The following OOSP4A variants were observed in gnomAD, a reference collection of about 807,000 sequenced individuals.
OOSP4A encodes the protein oocyte-secreted protein 4A.
downstream of OOSP4A, among the ~76,000 whole-genome samples, chr11:59,970,315 A>C (rs1450743915): frequency 6.6e-6 from 1 of 152,166 alleles, no homozygotes; most frequent in Non-Finnish European, 1.5e-5. Context: ...CCAGATTTTA[A>C]ACTTGTAATA....
At chr11:59,965,470 G>A (rs1590563300) in intron 1 of OOSP4A, 65 bp from the exon 2 acceptor site, 1 of 397,866 alleles carries the variant, frequency 2.5e-6, no homozygotes. Flanking sequence ...AAAGTTTCCT[G>A]AGTTCTTTGT....
chr11:59,968,089 G>A (rs1370482505), intron 3 of OOSP4A, among the ~76,000 whole-genome samples: 1 of 152,242 alleles, frequency 6.6e-6, no homozygotes, highest in East Asian at 1.9e-4. Flanking sequence ...GTTTTACAGA[G>A]CACACAAAGG....
rs1590563368 is a variant in OOSP4A, at chr11:59,965,532, C to T, written c.68-3C>T. 2.5e-6 allele frequency: 1 copy of T among 398,434 alleles called. No individual in the cohort carries two copies. The highest frequency in any genetic ancestry group is 2.1e-5 in the African/African-American group (1 of 48,746). The allele number at this position is 398,434 out of a possible 1,614,324, so 24.7% of individuals were successfully genotyped here. ...TTTCCCTTTTTAAATTTTCTTTCAA[C>T]AGTGTCTATAACCTGTTCTGAATCC... On this transcript the variant is annotated splice_polypyrimidine_tract_variant and splice_region_variant and intron_variant, in intron 1 of 4. Transcript: ENST00000645590.
At chr11:59,964,741 C>T (rs1271341244) in intron 1 of OOSP4A, among the ~76,000 whole-genome samples, 3 of 151,980 alleles carry the variant, frequency 2.0e-5, no homozygotes, top group African/African-American at 7.3e-5. Context: ...GGAGTAACTG[C>T]AGTATTATTT....
At chr11:59,964,923 A>G (rs1034631620) in intron 1 of OOSP4A, among the ~76,000 whole-genome samples, 2 of 152,126 alleles carry the variant, frequency 1.3e-5, no homozygotes, top group African/African-American at 4.8e-5. Context: ...ACACCTAGAT[A>G]TATTTCAAAC....
At chr11:59,967,673 T>TA (rs1012055399) in intron 3 of OOSP4A, among the ~76,000 whole-genome samples, 4 of 151,350 alleles carry the variant, frequency 2.6e-5, no homozygotes, top group East Asian at 1.9e-4. Flanking sequence ...CTAATTTTTT[T>TA]TATATATATA....
chr11:59,965,652 T>C (rs947727796), exon 2 of OOSP4A: 105 of 398,430 alleles, frequency 2.6e-4, no homozygotes, highest in Non-Finnish European at 1.5e-4. Flanking sequence ...CCTGTAAACA[T>C]GGTCGAGGTG....
rs377352135 is a variant in OOSP4A at position 59,965,143 on chromosome 11, G to A, written c.68-392G>A. Among the ~76,000 whole-genome samples the A allele has an allele frequency of 3.4e-4, 46 of 135,538 alleles. 2 individuals carry two copies. In the East Asian group the frequency reaches 7.2e-3, roughly 21 times the overall value. 88.9% of individuals were successfully genotyped at this position (135,538 alleles called of 152,430 possible). On this transcript the variant is annotated intron_variant, in intron 1 of 4. Transcript: ENST00000645590. ...ACATCACACACCGGGGCCTGTTGTG[G>A]GGTGGGGGAGGGGGGAGGGGGGAGG...
rs1199966326 is a variant in OOSP4A at position 59,965,817 on chromosome 11, T to C, written c.246+104T>C. The C allele has an allele frequency of 2.3e-5, 9 of 396,676 alleles. No homozygotes were observed. The South Asian group carries it at 9.9e-4, about 44-fold the overall frequency. 24.6% of individuals were successfully genotyped at this position (396,676 alleles called of 1,614,324 possible). A position where few individuals can be genotyped will look rare whatever the true frequency, so the allele number is the denominator to read the frequency against. On this transcript the variant is annotated intron_variant, in intron 2 of 4. Coordinates refer to ENST00000645590, the Ensembl canonical transcript of OOSP4A. ...TATTCACATTTTAATTGTCAGTTAA[T>C]TTAATAGTTCATGTAGTATTGATTA...
chr11:59,966,474 C>CTTT (rs573326718), intron 2 of OOSP4A, among the ~76,000 whole-genome samples: 1 of 142,690 alleles, frequency 7.0e-6, no homozygotes, highest in Non-Finnish European at 1.5e-5. Flanking sequence ...GACTCTGACT[C>CTTT]TTTTTTTTTT....
At chr11:59,967,395 C>T (rs937954634) in intron 3 of OOSP4A, among the ~76,000 whole-genome samples, 17 of 152,138 alleles carry the variant, frequency 1.1e-4, no homozygotes, top group Non-Finnish European at 1.5e-5. Flanking sequence ...ATTCTACAGT[C>T]ACTAAAGAGA....
Position 59,967,048 on chromosome 11 carries a change from A to T in OOSP4A, c.247-19A>T, listed in dbSNP as rs905085767. 7 of 397,838 alleles carry T rather than the reference A, an allele frequency of 1.8e-5. No homozygotes were observed. The highest frequency in any genetic ancestry group is 8.8e-5 in the Admixed American group (2 of 22,708). 24.6% of individuals were successfully genotyped at this position (397,838 alleles called of 1,614,324 possible). A position where few individuals can be genotyped will look rare whatever the true frequency, so the allele number is the denominator to read the frequency against. ...GAAAGAGATATAATTAAGATAATTT[A>T]TATCCTTTACACCTTTAGGAACATG... is the stretch of plus-strand genomic sequence containing the variant. On this transcript the variant is annotated intron_variant, in intron 2 of 4. Transcript: ENST00000645590.
At chr11:59,969,964 C>T (rs1006147990) in intron 4 of OOSP4A, 85 bp from the exon 5 acceptor site, 6 of 395,866 alleles carry the variant, frequency 1.5e-5, no homozygotes, top group Non-Finnish European at 2.2e-5. Context: ...TTCCCACGTT[C>T]CCACTTTGTT....
exon 5 of OOSP4A, chr11:59,970,054 G>C: frequency 5.0e-6 from 2 of 398,130 alleles, no homozygotes; most frequent in Non-Finnish European, 8.9e-6. Flanking sequence ...TACAGGAACA[G>C]TGTTCCCTTG....
At chr11:59,966,929 G>A in intron 2 of OOSP4A, 138 bp from the exon 3 acceptor site, 1 of 367,664 alleles carries the variant, frequency 2.7e-6, no homozygotes, top group Non-Finnish European at 4.8e-6. Flanking sequence ...TGTAGACCGT[G>A]CACTCATACC....
At chr11:59,966,538 C>A (rs1854101283) in intron 2 of OOSP4A, among the ~76,000 whole-genome samples, 1 of 151,714 alleles carries the variant, frequency 6.6e-6, no homozygotes, top group Non-Finnish European at 1.5e-5. Flanking sequence ...TGCAGCGGCA[C>A]AATCTCGGCT....
intron 4 of OOSP4A, 129 bp from the exon 5 acceptor site, chr11:59,969,920 A>G (rs1854138139): frequency 1.3e-5 from 5 of 391,662 alleles, no homozygotes; most frequent in Non-Finnish European, 2.3e-5. Flanking sequence ...TTAGAATATT[A>G]TAATGGTCCC....
intron 3 of OOSP4A, among the ~76,000 whole-genome samples, chr11:59,968,782 A>G (rs865877369): frequency 6.6e-6 from 1 of 152,200 alleles, no homozygotes. Context: ...TCCCTCTGTC[A>G]TAGGCTAAGA....
intron 2 of OOSP4A, among the ~76,000 whole-genome samples, chr11:59,966,501 G>T (rs1382712565): frequency 6.6e-6 from 1 of 150,608 alleles, no homozygotes; most frequent in Non-Finnish European, 1.5e-5. Flanking sequence ...TTTTGCAATG[G>T]AGTCTTGCTC....
Sources: allele counts gnomAD v4.1 joint callset (sites outside exome capture counted in the v4.1 genomes callset), GRCh38; gene constraint gnomAD v4.1.1; transcripts MANE v1.5; gene names NCBI Gene and HGNC (gene_info 2026-07-23, HGNC 2026-07-21).